MMS19: variants seen among roughly 807,000 people sequenced by gnomAD.
The protein encoded by MMS19 is MMS19 cytosolic iron-sulfur assembly component.
Under a neutral mutation model 129.8 loss-of-function variants are expected in MMS19, and 77 were observed. The observed-to-expected ratio is 0.59, with a 90% CI of 0.49 to 0.72. The LOEUF (loss-of-function observed/expected upper bound fraction) is 0.72. MMS19 is among the 30% of genes least tolerant of loss of function. MMS19 has a pLI of 0.00. For missense variants in MMS19, 1,168 were observed against 1,266.3 expected (o/e 0.92, Z 1.18); for synonymous variants, 491 against 502.8 (o/e 0.98, Z 0.31).
In MMS19 at chr10:97,465,870, G is replaced by A. The variant is rs1440839331; in HGVS notation, c.1691C>T (p.Thr564Ile). ...CCLQALSAVS[T>I]HPSIVKETLP... is the part of the protein sequence containing the mutation. The stretch of plus-strand genomic sequence containing the variant: ...TGTCTCCTTGACGATGCTGGGATGT[G>A]TTGATACAGCTGACAAGGCTTGCAG... Residue 564 changes from threonine (T) to isoleucine (I), a missense_variant, in exon 18 of 31, where the codon ACA becomes ATA. Physicochemically the swap from Thr to Ile is moderately conservative, Grantham distance 89. This residue lies in a region of MMS19 where 831 missense variants were observed against 910.8 expected (regional missense o/e 0.91). Transcript: ENST00000438925. 6.2e-7 allele frequency: 1 copy of A among 1,613,962 alleles called. No individual in the cohort carries two copies. Among genetic ancestry groups the A allele is most frequent in the East Asian group, 2.2e-5 (1 of 44,886 alleles).
At chr10:97,474,973 G>C (rs29001296) in intron 8 of MMS19, among the ~76,000 whole-genome samples, 131 of 152,218 alleles carry the variant, frequency 8.6e-4, no homozygotes, top group African/African-American at 3.1e-3. Context: ...CATATTCTTT[G>C]ACCTAGCGAT....
intron 24 of MMS19, 36 bp from the exon 25 acceptor site, chr10:97,460,787 A>C (rs1564617133): frequency 9.5e-6 from 15 of 1,574,230 alleles, no homozygotes; most frequent in African/African-American, 1.3e-5. Context: ...TTGGGGAATG[A>C]CACTCAAACC....
rs1426857841 is a variant in MMS19 at position 97,470,440 on chromosome 10, G to A, written c.772-237C>T. 2.0e-5 allele frequency among the ~76,000 whole-genome samples: 3 copies of A among 152,168 alleles called. No individual in the cohort carries two copies. The East Asian group carries it at 5.8e-4, about 29-fold the overall frequency. On this transcript the variant is annotated intron_variant, in intron 9 of 30. Coordinates refer to ENST00000438925, the MANE Select transcript of MMS19 (RefSeq NM_022362.5). ...ATTTTAAAAGACAGCACCATATAGG[G>A]ATTGGGTTTATTTATTTTTTTGTGT...
chr10:97,471,990 C>A (rs1003211095), intron 8 of MMS19, among the ~76,000 whole-genome samples: 6 of 152,076 alleles, frequency 3.9e-5, no homozygotes, highest in African/African-American at 1.2e-4. Flanking sequence ...AGGAAGAAAT[C>A]ATCAATTAAA....
chr10:97,472,716 C>T (rs1425844380), intron 8 of MMS19, among the ~76,000 whole-genome samples: 3 of 151,868 alleles, frequency 2.0e-5, no homozygotes, highest in Non-Finnish European at 4.4e-5. Flanking sequence ...CCCAAGCCAT[C>T]CTCCCACCTC....
At chr10:97,480,873 G>T in intron 3 of MMS19, 69 bp downstream of exon 3, 2 of 1,060,572 alleles carry the variant, frequency 1.9e-6, no homozygotes, top group Non-Finnish European at 2.9e-6. Flanking sequence ...CTGTAAAGTT[G>T]GCTTGAATAG....
chr10:97,489,839 A>G (rs1175371526), intron 1 of MMS19, among the ~76,000 whole-genome samples: 3 of 152,250 alleles, frequency 2.0e-5, no homozygotes, highest in Admixed American at 1.3e-4. Context: ...TTAAAAAAGA[A>G]TATCACAGAG....
chr10:97,498,756 T>C (rs965963862), upstream of MMS19: 6 of 281,022 alleles, frequency 2.1e-5, no homozygotes, highest in Non-Finnish European at 3.4e-5. Flanking sequence ...GTCGGTCACA[T>C]GCGCACCTGG....
rs1364810537 is a variant in MMS19 at position 97,498,266 on chromosome 10, G to A, written c.112+7C>T. On this transcript the variant is annotated splice_region_variant and intron_variant, in intron 1 of 30. Transcript: ENST00000438925. ...ATGCGGAAGGCGCGCGGCGCCGTCT[G>A]CCGTACCTGCAGCCACCTGGTCAGC... The A allele has an allele frequency of 6.4e-7, 1 of 1,552,534 alleles. No individual in the cohort carries two copies. Among genetic ancestry groups the A allele is most frequent in the Non-Finnish European group, 8.6e-7 (1 of 1,156,700 alleles).
intron 1 of MMS19, among the ~76,000 whole-genome samples, chr10:97,497,992 G>GC (rs1460271022): frequency 1.3e-5 from 2 of 152,214 alleles, no homozygotes; most frequent in Admixed American, 1.3e-4. Flanking sequence ...GCAGCCCTGC[G>GC]CAAGTCCTCT....
At chr10:97,497,967 C>G (rs1173969628) in intron 1 of MMS19, among the ~76,000 whole-genome samples, 1 of 152,232 alleles carries the variant, frequency 6.6e-6, no homozygotes, top group Non-Finnish European at 1.5e-5. Flanking sequence ...CCCACCTCCC[C>G]CTCCTGCCTG....
chr10:97,476,912 T>A lies in MMS19; in HGVS notation c.545A>T (p.Asp182Val), dbSNP rs1441127476. 1 of 1,613,938 alleles carries A rather than the reference T, an allele frequency of 6.2e-7. No homozygotes were observed. Among genetic ancestry groups the A allele is most frequent in the South Asian group, 1.1e-5 (1 of 91,076 alleles). The change falls in exon 7 of 31, where the codon GAT becomes GTT. Residue 182 changes from aspartate (D) to valine (V), a missense_variant. Transcript: ENST00000438925. ...DFTFGFIQVM[D>V]GEKDPRNLLV... is the part of the protein sequence containing the mutation. ...AAGATTACGGGGATCCTTTTCCCCA[T>A]CCATCACCTGGATGAAGCCAAAGGT...
chr10:97,470,678 A>G, intron 9 of MMS19, 97 bp downstream of exon 9: 1 of 742,894 alleles, frequency 1.3e-6, no homozygotes, highest in East Asian at 2.7e-5. Flanking sequence ...ATGCCCTAAA[A>G]TGTATACCAG....
chr10:97,475,871 T>C (rs1444408435), intron 8 of MMS19, among the ~76,000 whole-genome samples: 4 of 152,150 alleles, frequency 2.6e-5, no homozygotes, highest in African/African-American at 9.7e-5. Flanking sequence ...GAATAAGAAT[T>C]CTGATTATGA....
chr10:97,498,642 G>C, upstream of MMS19: 1 of 492,720 alleles, frequency 2.0e-6, no homozygotes, highest in Non-Finnish European at 3.6e-6. Context: ...GGCTCCCCGG[G>C]AGACGGGCTG....
At chr10:97,459,765 G>A (rs765737145) in intron 26 of MMS19, 24 bp from the exon 27 acceptor site, 1 of 1,545,614 alleles carries the variant, frequency 6.5e-7, no homozygotes, top group Non-Finnish European at 8.9e-7. Context: ...AAAGGCTTAG[G>A]GGAGAAATTG....
rs751316612 is a variant in MMS19 at position 97,468,943 on chromosome 10, C to T, written c.1063+23G>A. The T allele has an allele frequency of 3.2e-6, 5 of 1,574,922 alleles. No individual in the cohort carries two copies. The East Asian group carries it at 1.2e-4, about 37-fold the overall frequency. On this transcript the variant is annotated intron_variant, in intron 12 of 30. Transcript: ENST00000438925. ...CGTTTCTATTGTGCTCACTCCCCTT[C>T]CTGGCTGCCACGGCCCCATTACCCT... is the stretch of plus-strand genomic sequence containing the variant.
At chr10:97,494,789 T>C (rs2039498926) in intron 1 of MMS19, among the ~76,000 whole-genome samples, 1 of 152,234 alleles carries the variant, frequency 6.6e-6, no homozygotes, top group Admixed American at 6.5e-5. Context: ...TGGGGTCTTC[T>C]TAGAGTCCTC....
At chr10:97,498,761 A>C, upstream of MMS19, 1 of 275,986 alleles carries the variant, frequency 3.6e-6, no homozygotes, top group Non-Finnish European at 6.8e-6. Flanking sequence ...TCACATGCGC[A>C]CCTGGGGCGG....
Sources: gnomAD v4.1 joint callset for allele counts (sites outside exome capture counted in the v4.1 genomes callset) on GRCh38, gnomAD v4.1.1 for gene constraint, gnomAD v4.1.1 regional missense constraint, MANE v1.5 for transcripts, NCBI Gene and HGNC (gene_info 2026-07-23, HGNC 2026-07-21) for gene names.